The following FARS2 variants were observed in gnomAD, a reference collection of about 807,000 sequenced individuals.
FARS2 encodes the protein phenylalanyl-tRNA synthetase 2, mitochondrial, also known as phenylalanine--tRNA ligase, mitochondrial.
A neutral mutation model predicts 46.4 loss-of-function variants in FARS2; 40 were observed. That is an observed-to-expected ratio of 0.86 (90% CI 0.67 to 1.12). The LOEUF (loss-of-function observed/expected upper bound fraction) is 1.12, where lower values mean the gene tolerates loss of function less well. Among genes scored for constraint, FARS2 ranks in the 50% most tolerant of loss-of-function variants. FARS2 has a pLI of 0.00. For missense variants in FARS2, 513 were observed against 567.9 expected, an observed-to-expected ratio of 0.90 and a Z score of 0.98; for synonymous variants, 234 against 214.9, an observed-to-expected ratio of 1.09 and a Z score of -0.78.
At chr6:5,288,520 T>C (rs953613592) in intron 1 of FARS2, among the ~76,000 whole-genome samples, 2 of 152,198 alleles carry the variant, frequency 1.3e-5, no homozygotes, top group Admixed American at 6.5e-5. Context: ...TCACCAAATA[T>C]ACTTTCTAAT....
At chr6:5,551,368 T>G (rs1481798138) in intron 5 of FARS2, among the ~76,000 whole-genome samples, 1 of 152,192 alleles carries the variant, frequency 6.6e-6, no homozygotes, top group African/African-American at 2.4e-5. Context: ...TCAGACAGTA[T>G]AGGTTTTCTC....
rs1293148359 is a variant in FARS2, at chr6:5,491,254, TG to T, written c.905-53925del. On this transcript the variant is annotated intron_variant, in intron 4 of 6. Coordinates refer to ENST00000274680, the MANE Select transcript of FARS2 (RefSeq NM_006567.5). ...TTGTGAAGGGTTTGTCCAAATCTTT[TG>T]CCCATTTAAAAAATTGAGTCATTTT... Among the ~76,000 whole-genome samples, 9 of 152,332 alleles carry T rather than the reference TG, an allele frequency of 5.9e-5. No homozygotes were observed. In the East Asian group the frequency reaches 1.7e-3, roughly 29 times the overall value.
chr6:5,679,846 C>A, intron 6 of FARS2, among the ~76,000 whole-genome samples: 1 of 150,104 alleles, frequency 6.7e-6, no homozygotes, highest in Admixed American at 6.7e-5. Context: ...CTCACTTCCC[C>A]CACCCCCACC....
At chr6:5,400,243 G>A (rs964797903) in intron 2 of FARS2, among the ~76,000 whole-genome samples, 4 of 151,922 alleles carry the variant, frequency 2.6e-5, no homozygotes, top group African/African-American at 9.7e-5. Context: ...ATGTGTTCAG[G>A]GGTCATTTTC....
intron 2 of FARS2, among the ~76,000 whole-genome samples, chr6:5,375,464 A>G (rs1464715105): frequency 1.3e-5 from 2 of 152,046 alleles, no homozygotes; most frequent in East Asian, 3.8e-4. Context: ...GGAAAACAAT[A>G]TCATGAAGAT....
At chr6:5,585,294 TATC>T (rs1388312511) in intron 5 of FARS2, among the ~76,000 whole-genome samples, 5 of 152,192 alleles carry the variant, frequency 3.3e-5, no homozygotes, top group Non-Finnish European at 7.3e-5. Context: ...ACCACTCAGT[TATC>T]ATTTTTTTTG....
intron 4 of FARS2, among the ~76,000 whole-genome samples, chr6:5,538,148 C>CAAA (rs34273142): frequency 9.2e-6 from 1 of 108,144 alleles, no homozygotes; most frequent in Non-Finnish European, 1.9e-5. Context: ...TGGAATGAGG[C>CAAA]AAAAAAAAAA....
intron 5 of FARS2, among the ~76,000 whole-genome samples, chr6:5,556,461 A>G (rs961749029): frequency 6.6e-6 from 1 of 151,770 alleles, no homozygotes; most frequent in East Asian, 1.9e-4. Flanking sequence ...TGCTTTGCCA[A>G]CACTGATACT....
chr6:5,341,221 ATATATATATATATAT>A (rs1771589384), intron 1 of FARS2, among the ~76,000 whole-genome samples: 3 of 4,996 alleles, frequency 6.0e-4, no homozygotes, highest in Middle Eastern at 0.062. Flanking sequence ...ATATATATAT[ATATATATATATATAT>A]TTTTTTTTTT....
At chr6:5,592,689 C>T (rs571973688) in intron 5 of FARS2, among the ~76,000 whole-genome samples, 5 of 152,270 alleles carry the variant, frequency 3.3e-5, no homozygotes, top group South Asian at 2.1e-4. Context: ...TCAAAACAAC[C>T]GATAGCCAGT....
At chr6:5,514,840 C>A (rs1240133446) in intron 4 of FARS2, among the ~76,000 whole-genome samples, 1 of 151,532 alleles carries the variant, frequency 6.6e-6, no homozygotes, top group African/African-American at 2.4e-5. Flanking sequence ...GAACATGGCT[C>A]AACTGCAGCC....
intron 1 of FARS2, among the ~76,000 whole-genome samples, chr6:5,339,974 G>C (rs1771439302): frequency 6.6e-6 from 1 of 152,240 alleles, no homozygotes; most frequent in African/African-American, 2.4e-5. Flanking sequence ...GAGAAGTCAG[G>C]ATAGCTGAAG....
chr6:5,663,193 A>G (rs535871371), intron 6 of FARS2, among the ~76,000 whole-genome samples: 27 of 152,350 alleles, frequency 1.8e-4, no homozygotes, highest in Non-Finnish European at 3.5e-4. Flanking sequence ...TCCCAGATAT[A>G]TAATAATCAG....
At chr6:5,431,529 A>G (rs1243213729) in intron 4 of FARS2, 2 of 428,624 alleles carry the variant, frequency 4.7e-6, no homozygotes, top group African/African-American at 4.1e-5. Flanking sequence ...TTAAGAACAA[A>G]GACAATGCAT....
chr6:5,318,621 C>T (rs921826241), intron 1 of FARS2, among the ~76,000 whole-genome samples: 2 of 152,110 alleles, frequency 1.3e-5, no homozygotes, highest in Admixed American at 6.6e-5. Context: ...TTATTTTAAA[C>T]GAAAGTACGC....
intron 1 of FARS2, among the ~76,000 whole-genome samples, chr6:5,359,303 A>G (rs1196145222): frequency 6.6e-6 from 1 of 152,110 alleles, no homozygotes; most frequent in Non-Finnish European, 1.5e-5. Flanking sequence ...GGCCTCCCAA[A>G]GTGCTGGCAT....
At position 5,369,179 on chromosome 6, in the gene FARS2, T is replaced by A. The variant is rs1483843709; in HGVS notation, c.609T>A (p.His203Gln). The change falls in exon 2 of 7, where the codon CAT (histidine) becomes CAA (glutamine). Residue 203 changes from histidine (H) to glutamine (Q), a missense_variant. His to Gln is a conservative substitution (Grantham distance 24). Transcript: ENST00000274680. The stretch of plus-strand genomic sequence containing the variant: ...AGGCCGTGCGGCTCTTCTCCAAGCA[T>A]GAGGTGAGTCTTGAGATGTTTCTCA... The part of the protein sequence containing the change: ...QLEAVRLFSK[H>Q]ELFAGIKDGE... 6.2e-7 allele frequency: 1 copy of A among 1,604,896 alleles called. No homozygotes were observed. Among genetic ancestry groups the A allele is most frequent in the Non-Finnish European group, 8.5e-7 (1 of 1,179,602 alleles).
At chr6:5,355,882 C>T (rs373937841) in intron 1 of FARS2, among the ~76,000 whole-genome samples, 6 of 152,162 alleles carry the variant, frequency 3.9e-5, no homozygotes, top group South Asian at 2.1e-4. Context: ...ATATTATTCA[C>T]GGATTCTGTA....
chr6:5,423,921 T>G (rs73719603), intron 3 of FARS2, among the ~76,000 whole-genome samples: 3,625 of 152,264 alleles, frequency 0.024, 170 homozygotes, highest in African/African-American at 0.084. Context: ...GAATCAGTAT[T>G]TGTATTCCCA....
Sources: gnomAD v4.1 joint callset for allele counts (sites outside exome capture counted in the v4.1 genomes callset) on GRCh38, gnomAD v4.1.1 for gene constraint, MANE v1.5 for transcripts, NCBI Gene and HGNC (gene_info 2026-07-23, HGNC 2026-07-21) for gene names.